The following PSEN2 variants were observed in gnomAD, a reference collection of about 807,000 sequenced individuals.
PSEN2 encodes the protein presenilin-2.
PSEN2 carries 32 observed loss-of-function variants against 49.1 expected under a neutral mutation model. The ratio of observed to expected loss-of-function variants is 0.65; its 90% CI spans 0.49 to 0.88. The LOEUF is 0.88. Ranked by LOEUF, PSEN2 falls within the 40% of genes least tolerant of loss-of-function variation. The probability of loss-of-function intolerance (pLI) is 0.00; values close to 1 mark genes in which losing one functional copy is unlikely to be tolerated. For missense variants in PSEN2, 522 were observed against 586.9 expected, an observed-to-expected ratio of 0.89 and a Z score of 1.14; for synonymous variants, 255 against 244.0, an observed-to-expected ratio of 1.05 and a Z score of -0.42.
rs146894466 is a variant in PSEN2, at chr1:226,883,725, G to A, written c.162G>A (p.Glu54=). ...TAQWRSQENE[E]DGEEDPDRYV... is the part of the protein sequence containing the mutation. ...CACAGAGAAGCCAGGAGAACGAGGAGGACGGTGAGGAGGACCCTGACCGCT... is the reference window on the plus strand; with the variant it reads ...CACAGAGAAGCCAGGAGAACGAGGAAGACGGTGAGGAGGACCCTGACCGCT... The change falls in exon 5 of 13, where the codon GAG becomes GAA. Residue 54 remains glutamate (E), a synonymous_variant. Coordinates refer to ENST00000366783, the MANE Select transcript of PSEN2 (RefSeq NM_000447.3). 6.2e-7 allele frequency: 1 copy of A among 1,614,134 alleles called. No homozygotes were observed.
intron 2 of PSEN2, among the ~76,000 whole-genome samples, 153 bp downstream of exon 2, chr1:226,871,557 A>G (rs758014763): frequency 2.6e-5 from 4 of 152,158 alleles, no homozygotes; most frequent in African/African-American, 4.8e-5. Flanking sequence ...CTGCATCCCT[A>G]TTTACAAATG....
intron 12 of PSEN2, among the ~76,000 whole-genome samples, chr1:226,902,839 G>T (rs1662358185): frequency 6.6e-6 from 1 of 152,120 alleles, no homozygotes; most frequent in Non-Finnish European, 1.5e-5. Context: ...AGCAGAGATG[G>T]ACAGCCAGGA....
Position 226,895,433 on chromosome 1 carries a change from C to T in PSEN2, c.1201C>T (p.Leu401=). Residue 401 remains leucine, a synonymous_variant, in exon 13 of 13, where the codon CTG becomes TTG. Coordinates refer to ENST00000366783, the MANE Select transcript of PSEN2 (RefSeq NM_000447.3). ...CFVAILIGLC[L]TLLLLAVFKK... is the part of the protein sequence containing the mutation. ...CCTCCATGTCCTGCAGGGCTTGTGT[C>T]TGACCCTCCTGCTGCTTGCTGTGTT... is the stretch of plus-strand genomic sequence containing the variant. 1 of 1,614,086 alleles carries T rather than the reference C, an allele frequency of 6.2e-7. No individual in the cohort carries two copies. Among genetic ancestry groups the T allele is most frequent in the Non-Finnish European group, 8.5e-7 (1 of 1,180,012 alleles).
chr1:226,899,366 A>G (rs1282664144), downstream of PSEN2: 1 of 152,198 alleles, frequency 6.6e-6, no homozygotes, highest in African/African-American at 2.4e-5. Context: ...TGGTCTGTAG[A>G]ACTCTCCTGA....
At chr1:226,896,340 TC>T (rs1011749659), downstream of PSEN2, among the ~76,000 whole-genome samples, 3 of 152,230 alleles carry the variant, frequency 2.0e-5, no homozygotes, top group Admixed American at 1.3e-4. Context: ...GCTGAGCAGG[TC>T]CCTGGACTCA....
downstream of PSEN2, among the ~76,000 whole-genome samples, chr1:226,901,434 C>CAAAA (rs71179182): frequency 1.7e-5 from 2 of 117,754 alleles, no homozygotes; most frequent in Admixed American, 8.5e-5. Context: ...GAAACTGTCT[C>CAAAA]AAAAAAAAAA....
At chr1:226,886,258 T>C (rs1180625867) in intron 6 of PSEN2, among the ~76,000 whole-genome samples, 1 of 152,190 alleles carries the variant, frequency 6.6e-6, no homozygotes, top group Non-Finnish European at 1.5e-5. Context: ...TTAATTTTGT[T>C]TTGCTTCTCT....
Position 226,895,449 on chromosome 1 carries a change from T to G in PSEN2, c.1217T>G (p.Leu406Arg). 1 of 1,614,066 alleles carries G rather than the reference T, an allele frequency of 6.2e-7. No homozygotes were observed. Among genetic ancestry groups the G allele is most frequent in the Non-Finnish European group, 8.5e-7 (1 of 1,180,004 alleles). Residue 406 changes from leucine (L) to arginine (R), a missense_variant, in exon 13 of 13, where the codon CTT (leucine) becomes CGT (arginine). Leu to Arg is a moderately radical substitution (Grantham distance 102). Coordinates refer to ENST00000366783, the MANE Select transcript of PSEN2 (RefSeq NM_000447.3). ...GGCTTGTGTCTGACCCTCCTGCTGC[T>G]TGCTGTGTTCAAGAAGGCGCTGCCC... ...LIGLCLTLLL[L>R]AVFKKALPAL...
intron 8 of PSEN2, 132 bp downstream of exon 8, chr1:226,889,181 C>T (rs1661572340): frequency 1.3e-6 from 1 of 793,668 alleles, no homozygotes; most frequent in Admixed American, 2.4e-5. Context: ...TGGGATCCCT[C>T]CTGAGAGAGT....
At chr1:226,880,321 G>A (rs545803706) in intron 3 of PSEN2, 2 of 324,154 alleles carry the variant, frequency 6.2e-6, no homozygotes, top group East Asian at 1.8e-4. Flanking sequence ...AGGCTGCAGT[G>A]AGCTATGATT....
intron 8 of PSEN2, among the ~76,000 whole-genome samples, chr1:226,889,274 T>A (rs1661579645): frequency 6.6e-6 from 1 of 151,350 alleles, no homozygotes; most frequent in South Asian, 2.1e-4. Context: ...ACTGAGCTCC[T>A]CATTTACTTT....
In PSEN2 at chr1:226,881,949, T is replaced by C; in HGVS notation, c.42T>C (p.Cys14=). The C allele has an allele frequency of 6.2e-7, 1 of 1,614,086 alleles. No homozygotes were observed. Among genetic ancestry groups the C allele is most frequent in the Non-Finnish European group, 8.5e-7 (1 of 1,179,972 alleles). Residue 14 remains cysteine, a synonymous_variant, in exon 4 of 13, where the codon TGT becomes TGC. Coordinates refer to ENST00000366783, the MANE Select transcript of PSEN2 (RefSeq NM_000447.3). The part of the protein sequence containing the change: ...FMASDSEEEV[C]DERTSLMSAE... ...CCTCTGACAGCGAGGAAGAAGTGTG[T>C]GATGAGCGGACGTCCCTAATGTCGG...
chr1:226,890,878 C>T (rs538682723), intron 9 of PSEN2: 24 of 248,304 alleles, frequency 9.7e-5, no homozygotes, highest in African/African-American at 4.5e-4. Flanking sequence ...GATTCGAGCC[C>T]GTAGAGGAGA....
chr1:226,896,053 A>G lies in PSEN2; in HGVS notation c.*474A>G, dbSNP rs559491058. On this transcript the variant is annotated 3_prime_UTR_variant, in exon 13 of 13. Coordinates refer to ENST00000366783, the MANE Select transcript of PSEN2 (RefSeq NM_000447.3). ...TTGTTACGGCAGTCACACTGCTGGGAAGTGGCTTAATAGTAATATCAATAA... is the reference window on the plus strand; with the variant it reads ...TTGTTACGGCAGTCACACTGCTGGGGAGTGGCTTAATAGTAATATCAATAA... 2.7e-5 allele frequency: 6 copies of G among 218,230 alleles called. No individual in the cohort carries two copies. The East Asian group carries it at 6.5e-4, about 24-fold the overall frequency. 13.5% of individuals were successfully genotyped at this position (218,230 alleles called of 1,614,324 possible). A position where few individuals can be genotyped will look rare whatever the true frequency, so the allele number is the denominator to read the frequency against.
At chr1:226,894,423 C>T (rs1337355483) in intron 12 of PSEN2, among the ~76,000 whole-genome samples, 4 of 152,214 alleles carry the variant, frequency 2.6e-5, no homozygotes, top group East Asian at 1.9e-4. Flanking sequence ...GACAGCTTTG[C>T]GCAGTGATGA....
At chr1:226,888,292 A>ACCCAGGGCG (rs1031671883) in intron 7 of PSEN2, 134 bp downstream of exon 7, 1 of 804,516 alleles carries the variant, frequency 1.2e-6, no homozygotes, top group African/African-American at 1.7e-5. Flanking sequence ...CGTTTTGGGA[A>ACCCAGGGCG]CCCAGGCCTC....
At chr1:226,879,101 G>T (rs536693717) in intron 3 of PSEN2, among the ~76,000 whole-genome samples, 1 of 152,216 alleles carries the variant, frequency 6.6e-6, no homozygotes, top group East Asian at 1.9e-4. Context: ...TGAACTCCTG[G>T]GCTCAAGCGA....
chr1:226,875,628 G>C (rs1408777311), intron 3 of PSEN2, 78 bp downstream of exon 3: 2 of 152,200 alleles, frequency 1.3e-5, no homozygotes, highest in Non-Finnish European at 2.9e-5. Context: ...AGATTTCCAT[G>C]GGAGTTTGCT....
chr1:226,878,192 G>A (rs1660755690), intron 3 of PSEN2, among the ~76,000 whole-genome samples: 1 of 151,818 alleles, frequency 6.6e-6, no homozygotes, highest in African/African-American at 2.4e-5. Flanking sequence ...TGATTATCTT[G>A]CTACAGCCTT....
Sources: gnomAD v4.1 joint callset for allele counts (sites outside exome capture counted in the v4.1 genomes callset) on GRCh38, gnomAD v4.1.1 for gene constraint, MANE v1.5 for transcripts, NCBI Gene and HGNC (gene_info 2026-07-23, HGNC 2026-07-21) for gene names.